Variants in CERK observed in about 807,000 individuals in gnomAD.
The protein encoded by CERK is acylsphingosine kinase.
A neutral mutation model predicts 63.4 loss-of-function variants in CERK; 39 were observed. The observed-to-expected ratio is 0.61, with a 90% CI of 0.48 to 0.80. The LOEUF (loss-of-function observed/expected upper bound fraction) is 0.80. CERK is among the 30% of genes least tolerant of loss of function. CERK has a pLI of 0.00. For synonymous variants in CERK, 302 were observed against 280.0 expected (o/e 1.08, Z -0.78); for missense variants, 670 against 714.1 (o/e 0.94, Z 0.70).
In CERK at chr22:46,714,667, T is replaced by C. The variant is rs61598694; in HGVS notation, c.380-2374A>G. On this transcript the variant is annotated intron_variant, in intron 3 of 12. Transcript: ENST00000216264. This position sits in a 1 kb window ranked among gnomAD's most constrained non-coding sequence, Gnocchi z 4.4. Reference sequence around the variant, plus strand: ...CTCCAAGCCCAGATGATTTCACAACTGAATTCTTCCAAACATTTAAGGAAA... The same window carrying C: ...CTCCAAGCCCAGATGATTTCACAACCGAATTCTTCCAAACATTTAAGGAAA... Among the ~76,000 whole-genome samples the C allele has an allele frequency of 0.032, 4,867 of 152,220 alleles. 246 individuals are homozygous for C. The highest frequency in any genetic ancestry group is 0.11 in the African/African-American group (4,598 of 41,512).
intron 1 of CERK, among the ~76,000 whole-genome samples, chr22:46,736,244 C>T (rs1159244252): frequency 2.6e-5 from 4 of 152,250 alleles, no homozygotes; most frequent in Admixed American, 2.6e-4. Flanking sequence ...ACCTGGGGGA[C>T]CAGAAACCAT....
At position 46,686,976 on chromosome 22, in the gene CERK, C is replaced by T. The variant is rs2082704748; in HGVS notation, c.*158G>A. On this transcript the variant is annotated 3_prime_UTR_variant, in exon 13 of 13. Coordinates refer to ENST00000216264, the MANE Select transcript of CERK (RefSeq NM_022766.6). Reference sequence around the variant, plus strand: ...CAGAACTGAAAATGCCAAATATGTACACAAAATTGTTGACAAAAGGGTTTT... The same window carrying T: ...CAGAACTGAAAATGCCAAATATGTATACAAAATTGTTGACAAAAGGGTTTT... 1.0e-5 allele frequency: 7 copies of T among 687,738 alleles called. No homozygotes were observed. The highest frequency in any genetic ancestry group is 1.7e-5 in the Non-Finnish European group (7 of 417,200). The allele number at this position is 687,738 out of a possible 1,614,324, so 42.6% of individuals were successfully genotyped here.
At chr22:46,713,859 T>C (rs1269535698) in intron 3 of CERK, among the ~76,000 whole-genome samples, 3 of 152,052 alleles carry the variant, frequency 2.0e-5, no homozygotes, top group Non-Finnish European at 4.4e-5. Flanking sequence ...TGGCCAGGCA[T>C]AGTGGCTGAC....
intron 5 of CERK, 64 bp downstream of exon 5, chr22:46,711,022 G>T: frequency 1.5e-6 from 2 of 1,351,078 alleles, no homozygotes; most frequent in South Asian, 1.2e-5. Flanking sequence ...TCTCAAAACT[G>T]AGAGGTGGGT....
intron 3 of CERK, among the ~76,000 whole-genome samples, chr22:46,719,871 G>A (rs1425375444): frequency 6.6e-6 from 1 of 152,234 alleles, no homozygotes; most frequent in Non-Finnish European, 1.5e-5. Flanking sequence ...TGAGCAGGGG[G>A]CTGGACTCCA....
At chr22:46,737,726 G>T (rs2082982177) in intron 1 of CERK, among the ~76,000 whole-genome samples, 1 of 152,126 alleles carries the variant, frequency 6.6e-6, no homozygotes, top group Admixed American at 6.5e-5. Flanking sequence ...ACGACCCCGC[G>T]CCCCGGGTCC....
chr22:46,696,689 A>T (rs570348827), intron 8 of CERK, among the ~76,000 whole-genome samples: 1 of 152,260 alleles, frequency 6.6e-6, no homozygotes, highest in Non-Finnish European at 1.5e-5. Context: ...TCACAGCCAC[A>T]GAACCCAAAC....
At chr22:46,697,197 A>G (rs910530587) in intron 8 of CERK, among the ~76,000 whole-genome samples, 18 of 152,208 alleles carry the variant, frequency 1.2e-4, no homozygotes, top group African/African-American at 3.9e-4. Flanking sequence ...GAATTACTCG[A>G]TTTAATTTGA....
intron 5 of CERK, 123 bp downstream of exon 5, chr22:46,710,963 T>C: frequency 1.4e-6 from 1 of 705,966 alleles, no homozygotes; most frequent in Non-Finnish European, 2.4e-6. Context: ...ATGTTTACTT[T>C]TACAATTGGT....
At chr22:46,736,895 C>T (rs2082976614) in intron 1 of CERK, among the ~76,000 whole-genome samples, 1 of 152,230 alleles carries the variant, frequency 6.6e-6, no homozygotes, top group Non-Finnish European at 1.5e-5. Flanking sequence ...TCATCCCAGG[C>T]TCCGAATATC....
At chr22:46,700,766 C>T (rs2082779354) in intron 7 of CERK, among the ~76,000 whole-genome samples, 1 of 151,880 alleles carries the variant, frequency 6.6e-6, no homozygotes, top group Admixed American at 6.6e-5. Flanking sequence ...AATCCCAACA[C>T]TTTGGAAGGC....
intron 8 of CERK, among the ~76,000 whole-genome samples, chr22:46,697,347 C>T (rs758125538): frequency 1.2e-4 from 18 of 152,066 alleles, no homozygotes; most frequent in Non-Finnish European, 2.4e-4. Context: ...GTCGCTCCAG[C>T]TGCAGTGCAG....
intron 5 of CERK, among the ~76,000 whole-genome samples, 162 bp downstream of exon 5, chr22:46,710,924 C>T (rs563027222): frequency 6.6e-6 from 1 of 152,304 alleles, no homozygotes; most frequent in African/African-American, 2.4e-5. Context: ...ACTTTTCTGC[C>T]TTTTCTTTCT....
chr22:46,725,668 C>T (rs1601728481), intron 1 of CERK, among the ~76,000 whole-genome samples: 2 of 152,204 alleles, frequency 1.3e-5, no homozygotes, highest in East Asian at 1.9e-4. Context: ...CACAGTGACT[C>T]GTATTGACAT....
Position 46,707,786 on chromosome 22 carries a change from G to A in CERK, c.715+57C>T, listed in dbSNP as rs1277878938. The A allele has an allele frequency of 2.6e-6, 4 of 1,554,860 alleles. No homozygotes were observed. In the African/African-American group the frequency reaches 4.1e-5, roughly 16 times the overall value. On this transcript the variant is annotated intron_variant, in intron 6 of 12. Transcript: ENST00000216264. ...AGTGTCCGAGGTGGCTACTTGTGCA[G>A]AACAATTCCTAAGGACGGGAACGAA...
intron 8 of CERK, among the ~76,000 whole-genome samples, chr22:46,698,251 G>T (rs1441216764): frequency 6.6e-6 from 1 of 152,250 alleles, no homozygotes. Context: ...AAAGCTTTTG[G>T]GCTTCAGGGA....
At position 46,722,780 on chromosome 22, in the gene CERK, G is replaced by A. The variant is rs149451173; in HGVS notation, c.143-1765C>T. On this transcript the variant is annotated intron_variant, in intron 1 of 12. Coordinates refer to ENST00000216264, the MANE Select transcript of CERK (RefSeq NM_022766.6). ...TGCCATGTTAGCCAGGCTGCAGGCCGTGCCGTGCCAGGGGTGCCAGCACAA... is the reference window on the plus strand; with the variant it reads ...TGCCATGTTAGCCAGGCTGCAGGCCATGCCGTGCCAGGGGTGCCAGCACAA... Among the ~76,000 whole-genome samples, 599 of 152,182 alleles carry A rather than the reference G, an allele frequency of 3.9e-3. 2 individuals are homozygous for A. Among genetic ancestry groups the A allele is most frequent in the African/African-American group, 0.014 (566 of 41,524 alleles).
At chr22:46,724,122 C>CT in intron 1 of CERK, among the ~76,000 whole-genome samples, 1 of 152,188 alleles carries the variant, frequency 6.6e-6, no homozygotes, top group South Asian at 2.1e-4. Flanking sequence ...CCTCTTCCTC[C>CT]TCAGCCCACT....
At chr22:46,723,886 C>T (rs936933818) in intron 1 of CERK, among the ~76,000 whole-genome samples, 1 of 152,022 alleles carries the variant, frequency 6.6e-6, no homozygotes, top group Non-Finnish European at 1.5e-5. Context: ...TTAGTAGAGA[C>T]GGGATTTCAC....
Sources: gnomAD v4.1 joint callset for allele counts (sites outside exome capture counted in the v4.1 genomes callset) on GRCh38, gnomAD v4.1.1 for gene constraint, Gnocchi (gnomAD v3.1) non-coding constraint, MANE v1.5 for transcripts, NCBI Gene and HGNC (gene_info 2026-07-23, HGNC 2026-07-21) for gene names.